The following ARHGAP32 variants were observed in gnomAD, a reference collection of about 807,000 sequenced individuals.
ARHGAP32 encodes the protein Rho GTPase activating protein 32.
Under a neutral mutation model 186.5 loss-of-function variants are expected in ARHGAP32, and 51 were observed. That is an observed-to-expected ratio of 0.27 (90% CI 0.22 to 0.35). The LOEUF is 0.35. Ranked by LOEUF, ARHGAP32 falls within the 10% of genes least tolerant of loss-of-function variation. ARHGAP32 has a pLI of 1.00. For missense variants in ARHGAP32, 2,186 were observed against 2,623.5 expected, an observed-to-expected ratio of 0.83 and a Z score of 3.64; for synonymous variants, 950 against 964.3, an observed-to-expected ratio of 0.99 and a Z score of 0.27.
At chr11:129,221,390 AAAGG>A (rs1390247996) in intron 1 of ARHGAP32, among the ~76,000 whole-genome samples, 1 of 152,080 alleles carries the variant, frequency 6.6e-6, no homozygotes, top group East Asian at 1.9e-4. Context: ...CTAGACTTCT[AAAGG>A]AAGGGGTGGG....
chr11:128,988,798 A>G (rs1352740278), intron 12 of ARHGAP32, among the ~76,000 whole-genome samples: 1 of 152,222 alleles, frequency 6.6e-6, no homozygotes, highest in Non-Finnish European at 1.5e-5. Context: ...GGTTAGCTCT[A>G]TGAATATACA....
intron 2 of ARHGAP32, among the ~76,000 whole-genome samples, chr11:129,149,781 TAGA>T (rs1313957042): frequency 6.6e-6 from 1 of 151,960 alleles, no homozygotes; most frequent in African/African-American, 2.4e-5. Flanking sequence ...GATCTGTACC[TAGA>T]AGAACTCTCT....
chr11:128,982,474 C>CGTGTGTGTGTGTGTGT (rs60379183), intron 15 of ARHGAP32, among the ~76,000 whole-genome samples: 1,642 of 147,432 alleles, frequency 0.011, 19 homozygotes, highest in Middle Eastern at 0.066. Flanking sequence ...AGGTAAGTGC[C>CGTGTGTGTGTGTGTGT]GTGTGTGTGT....
intron 2 of ARHGAP32, among the ~76,000 whole-genome samples, chr11:129,162,194 A>G (rs1943544964): frequency 6.6e-6 from 1 of 152,160 alleles, no homozygotes. Context: ...TACCTAATGA[A>G]GGTGACAGGT....
chr11:129,115,226 A>C (rs1452760527), intron 5 of ARHGAP32, among the ~76,000 whole-genome samples: 1 of 152,106 alleles, frequency 6.6e-6, no homozygotes, highest in African/African-American at 2.4e-5. Context: ...GACACTGAAA[A>C]TACTACTTTA....
intron 1 of ARHGAP32, among the ~76,000 whole-genome samples, chr11:129,182,699 G>A (rs1033153580): frequency 3.3e-5 from 5 of 151,170 alleles, no homozygotes; most frequent in Admixed American, 2.0e-4. Flanking sequence ...GCTGGAGGGC[G>A]GTGGTGTAAT....
At chr11:129,001,968 T>C (rs1437188652) in intron 11 of ARHGAP32, among the ~76,000 whole-genome samples, 8 of 152,226 alleles carry the variant, frequency 5.3e-5, no homozygotes, top group Non-Finnish European at 1.0e-4. Flanking sequence ...CGTTGGTCCA[T>C]GTGTCTGTTT....
chr11:129,109,577 C>G (rs2135333779), intron 5 of ARHGAP32, among the ~76,000 whole-genome samples: 1 of 152,154 alleles, frequency 6.6e-6, no homozygotes, highest in East Asian at 1.9e-4. Flanking sequence ...TGCATACTCA[C>G]TGGCATCTAT....
chr11:129,128,609 C>G (rs1942717773), intron 2 of ARHGAP32, among the ~76,000 whole-genome samples: 1 of 149,806 alleles, frequency 6.7e-6, no homozygotes, highest in Non-Finnish European at 1.5e-5. Flanking sequence ...CCCGGTCTCC[C>G]TCTGATGCCA....
chr11:129,127,504 A>T (rs971444185), intron 2 of ARHGAP32, among the ~76,000 whole-genome samples: 1 of 150,096 alleles, frequency 6.7e-6, no homozygotes, highest in African/African-American at 2.5e-5. Flanking sequence ...GTGAATGAAC[A>T]AATACAATAC....
At chr11:128,996,629 G>A (rs867368319) in intron 12 of ARHGAP32, among the ~76,000 whole-genome samples, 5 of 151,228 alleles carry the variant, frequency 3.3e-5, no homozygotes, top group Non-Finnish European at 2.9e-5. Context: ...AATTATCTCA[G>A]TATGTATTAT....
chr11:129,084,279 T>C (rs1222147048), intron 6 of ARHGAP32, among the ~76,000 whole-genome samples: 4 of 151,198 alleles, frequency 2.6e-5, no homozygotes, highest in Non-Finnish European at 5.9e-5. Flanking sequence ...GAGAGAAGTG[T>C]CTAACTTCTT....
At position 129,207,582 on chromosome 11, in the gene ARHGAP32, GT is replaced by G. The variant is rs565331147; in HGVS notation, c.-4-43156del. Among the ~76,000 whole-genome samples, 563 of 151,014 alleles carry G rather than the reference GT, an allele frequency of 3.7e-3. 1 individual carries two copies. Among genetic ancestry groups the G allele is most frequent in the African/African-American group, 0.012 (507 of 41,152 alleles). ...ATATCCTTTGGCCACTTTTTTATGG[GT>G]TTTTTTTTATATAAATTTGTTTAAT... On this transcript the variant is annotated intron_variant, in intron 1 of 6. Transcript: ENST00000525234.
chr11:129,131,158 T>C (rs1479969205), intron 2 of ARHGAP32, among the ~76,000 whole-genome samples: 1 of 152,080 alleles, frequency 6.6e-6, no homozygotes, highest in African/African-American at 2.4e-5. Flanking sequence ...GTGTTACAAC[T>C]GGCTGGTGAG....
At chr11:129,271,414 T>C (rs1023349635) in intron 1 of ARHGAP32, among the ~76,000 whole-genome samples, 1 of 152,060 alleles carries the variant, frequency 6.6e-6, no homozygotes, top group Non-Finnish European at 1.5e-5. Context: ...CCTGCGCAAG[T>C]GGTGGATGAT....
rs758604145 is a variant in ARHGAP32, at chr11:128,969,078, G to A, written c.6135C>T (p.Ser2045=). ...SQYDNLEDYH[S]LPQHQRGVFG... ...AGACTCCTCGCTGGTGCTGAGGCAG[G>A]GAGTGGTAATCTTCCAGGTTATCAT... Residue 2045 remains serine (S), a synonymous_variant, in exon 23 of 23, where the codon TCC becomes TCT. Transcript: ENST00000682385. The surrounding 1 kb of genome is among the most constrained non-coding windows in gnomAD (Gnocchi z 4.8). The A allele has an allele frequency of 5.0e-6, 8 of 1,610,072 alleles. No individual in the cohort carries two copies. Among genetic ancestry groups the A allele is most frequent in the East Asian group, 2.2e-5 (1 of 44,798 alleles).
At chr11:128,996,570 G>A (rs1408038548) in intron 12 of ARHGAP32, among the ~76,000 whole-genome samples, 1 of 152,098 alleles carries the variant, frequency 6.6e-6, no homozygotes, top group African/African-American at 2.4e-5. Flanking sequence ...TACATTTGAA[G>A]TTTATATTCA....
intron 1 of ARHGAP32, among the ~76,000 whole-genome samples, chr11:129,225,473 C>A (rs552219897): frequency 6.6e-6 from 1 of 152,288 alleles, no homozygotes; most frequent in South Asian, 2.1e-4. Context: ...GGGAAAATGA[C>A]TGGTCCCAGG....
Position 129,185,945 on chromosome 11 carries a change from C to T in ARHGAP32, c.116+6138G>A, listed in dbSNP as rs182784385. On this transcript the variant is annotated intron_variant, in intron 1 of 22. Coordinates refer to ENST00000682385, the MANE Select transcript of ARHGAP32 (RefSeq NM_001378024.1). ...CATTAATGTAAAGAAAAGTATAGCGCAACTTCCAAAATTAAGTATCTGGGA... is the reference window on the plus strand; with the variant it reads ...CATTAATGTAAAGAAAAGTATAGCGTAACTTCCAAAATTAAGTATCTGGGA... Among the ~76,000 whole-genome samples, 83 of 152,082 alleles carry T rather than the reference C, an allele frequency of 5.5e-4. No homozygotes were observed. In the East Asian group the frequency reaches 7.5e-3, roughly 14 times the overall value.
Sources: gnomAD v4.1 joint callset for allele counts (sites outside exome capture counted in the v4.1 genomes callset) on GRCh38, gnomAD v4.1.1 for gene constraint, Gnocchi (gnomAD v3.1) non-coding constraint, MANE v1.5 for transcripts, NCBI Gene and HGNC (gene_info 2026-07-23, HGNC 2026-07-21) for gene names.